RAB27A: variants seen among roughly 807,000 people sequenced by gnomAD.
The protein encoded by RAB27A is ras-related protein Rab-27A.
RAB27A carries 17 observed loss-of-function variants against 20.8 expected under a neutral mutation model. That is an observed-to-expected ratio of 0.82 (90% CI 0.56 to 1.23). The LOEUF is 1.23. RAB27A is among the 50% of genes most tolerant of loss of function. The pLI is 0.00. For missense variants in RAB27A, 277 were observed against 266.7 expected (o/e 1.04, Z -0.27); for synonymous variants, 85 against 92.8 (o/e 0.92, Z 0.48).
chr15:55,231,074 G>A (rs539849866), intron 3 of RAB27A, among the ~76,000 whole-genome samples: 1 of 152,224 alleles, frequency 6.6e-6, no homozygotes, highest in South Asian at 2.1e-4. Context: ...TGTGGCATTT[G>A]ATTTTCTGTT....
intron 2 of RAB27A, among the ~76,000 whole-genome samples, chr15:55,242,822 T>C (rs549774): frequency 0.52 from 79,184 of 151,908 alleles, 21,239 homozygotes; most frequent in East Asian, 0.76. Flanking sequence ...AAACTGAAAC[T>C]CAGAGAAGGT....
chr15:55,318,725 C>CA (rs113104171), intron 1 of RAB27A: 64,524 of 144,598 alleles, frequency 0.45, 17,678 homozygotes, highest in African/African-American at 0.76. Context: ...AAAACAAAAA[C>CA]AAAAAAAAAA....
chr15:55,245,459 G>A (rs1896651321), intron 2 of RAB27A, among the ~76,000 whole-genome samples: 2 of 152,320 alleles, frequency 1.3e-5, no homozygotes, highest in South Asian at 4.1e-4. Context: ...CTTATTAAAA[G>A]ATGAGTTTGA....
chr15:55,223,976 T>G lies in RAB27A; in HGVS notation c.380A>C (p.Asp127Ala). The G allele has an allele frequency of 6.2e-7, 1 of 1,607,756 alleles. No homozygotes were observed. The highest frequency in any genetic ancestry group is 1.1e-5 in the South Asian group (1 of 90,948). ...ACTCTTGTTTCCACACAGCACTATA[T>G]CTGGGTTTTCACAATATGCATGCAT... Reference protein sequence around the residue: ...LQMHAYCENPDIVLCGNKSDL... With the variant: ...LQMHAYCENPAIVLCGNKSDL... The change falls in exon 6 of 7, where the codon GAT (aspartate) becomes GCT (alanine). Residue 127 changes from aspartate to alanine, a missense_variant. By Grantham distance (126) the Asp-to-Ala change is moderately radical. Coordinates refer to ENST00000336787, the MANE Select transcript of RAB27A (RefSeq NM_183235.3).
At chr15:55,215,578 G>A (rs1264162505) in intron 6 of RAB27A, among the ~76,000 whole-genome samples, 1 of 147,994 alleles carries the variant, frequency 6.8e-6, no homozygotes, top group Non-Finnish European at 1.5e-5. Flanking sequence ...CGTGAACCCG[G>A]GAAGCGGAGC....
intron 2 of RAB27A, among the ~76,000 whole-genome samples, chr15:55,256,216 A>T (rs2141051828): frequency 6.6e-6 from 1 of 152,034 alleles, no homozygotes; most frequent in East Asian, 1.9e-4. Context: ...AGAGATCAAA[A>T]CCAACCTGGG....
At chr15:55,213,451 G>A (rs1024746285) in intron 6 of RAB27A, among the ~76,000 whole-genome samples, 9 of 152,166 alleles carry the variant, frequency 5.9e-5, no homozygotes, top group African/African-American at 2.2e-4. Flanking sequence ...TTACTAAGAA[G>A]CATATTTAGA....
At chr15:55,209,082 A>C (rs956585280) in intron 6 of RAB27A, among the ~76,000 whole-genome samples, 6 of 152,218 alleles carry the variant, frequency 3.9e-5, no homozygotes, top group African/African-American at 1.4e-4. Context: ...ATAATGTGTA[A>C]AGATAAGTAT....
chr15:55,251,243 G>A (rs976353276), intron 2 of RAB27A, among the ~76,000 whole-genome samples: 37 of 152,202 alleles, frequency 2.4e-4, no homozygotes, highest in African/African-American at 8.7e-4. Flanking sequence ...TGCTTTGGGT[G>A]TCCCTGGTGA....
intron 6 of RAB27A, among the ~76,000 whole-genome samples, chr15:55,214,440 C>T (rs1404334810): frequency 6.6e-6 from 1 of 151,968 alleles, no homozygotes; most frequent in Non-Finnish European, 1.5e-5. Flanking sequence ...CGTCTCAAAA[C>T]AACAACAACA....
chr15:55,226,781 T>C (rs575945439), intron 5 of RAB27A, among the ~76,000 whole-genome samples: 16 of 151,410 alleles, frequency 1.1e-4, no homozygotes, highest in African/African-American at 2.9e-4. Context: ...GGCAGGAGAA[T>C]TGCTTGAACC....
chr15:55,246,026 T>A (rs1260160394), intron 2 of RAB27A, among the ~76,000 whole-genome samples: 2 of 152,042 alleles, frequency 1.3e-5, no homozygotes. Flanking sequence ...TCACGGGCGA[T>A]AATGCCACTG....
chr15:55,289,785 C>CT lies in RAB27A; in HGVS notation c.-213dup. On this transcript the variant is annotated 5_prime_UTR_variant, in exon 1 of 7. Coordinates refer to ENST00000336787, the MANE Select transcript of RAB27A (RefSeq NM_183235.3). ...CGCGCCGCGTCCACCCGCCGCCGGC[C>CT]TTTTTTGGGTCGTTGGCGGGTATTT... is the stretch of plus-strand genomic sequence containing the variant. 1 of 153,126 alleles carries CT rather than the reference C, an allele frequency of 6.5e-6. No homozygotes were observed. 9.5% of individuals were successfully genotyped at this position (153,126 alleles called of 1,614,324 possible). A position where few individuals can be genotyped will look rare whatever the true frequency, so the allele number is the denominator to read the frequency against.
chr15:55,306,909 C>G (rs2054999314), intron 2 of RAB27A, among the ~76,000 whole-genome samples: 1 of 152,120 alleles, frequency 6.6e-6, no homozygotes, highest in Non-Finnish European at 1.5e-5. Context: ...AGTTACTTTC[C>G]TCACGGTTGT....
chr15:55,311,834 G>T (rs1316790557), intron 2 of RAB27A, among the ~76,000 whole-genome samples: 1 of 152,102 alleles, frequency 6.6e-6, no homozygotes, highest in East Asian at 1.9e-4. Context: ...GCCTTGGGGG[G>T]AACGTTTCCC....
At chr15:55,215,615 G>T (rs1895249510) in intron 6 of RAB27A, among the ~76,000 whole-genome samples, 1 of 140,720 alleles carries the variant, frequency 7.1e-6, no homozygotes, top group Admixed American at 7.4e-5. Context: ...TCGCGCCACT[G>T]CACTCCAGCC....
At chr15:55,262,974 G>A (rs1897330071) in intron 2 of RAB27A, among the ~76,000 whole-genome samples, 1 of 152,194 alleles carries the variant, frequency 6.6e-6, no homozygotes. Context: ...CTAAGTACGA[G>A]TATTATGAAT....
intron 2 of RAB27A, chr15:55,249,081 T>C (rs1011549668): frequency 9.2e-5 from 14 of 152,306 alleles, no homozygotes; most frequent in African/African-American, 3.4e-4. Flanking sequence ...GTTTATAGAA[T>C]GGGGTGTGAC....
intron 1 of RAB27A, among the ~76,000 whole-genome samples, chr15:55,316,219 A>T (rs1467491579): frequency 2.0e-5 from 3 of 147,354 alleles, no homozygotes; most frequent in Non-Finnish European, 4.4e-5. Flanking sequence ...TGGGCAACAG[A>T]GCCAGACTCC....
Sources: gnomAD v4.1 joint callset for allele counts (sites outside exome capture counted in the v4.1 genomes callset) on GRCh38, gnomAD v4.1.1 for gene constraint, MANE v1.5 for transcripts, NCBI Gene and HGNC (gene_info 2026-07-23, HGNC 2026-07-21) for gene names.